Variants in SLC8A1 observed in about 807,000 individuals in gnomAD.
SLC8A1 encodes the protein solute carrier family 8 member A1.
SLC8A1 carries 18 observed loss-of-function variants against 68.3 expected under a neutral mutation model. The ratio of observed to expected loss-of-function variants is 0.26; its 90% CI spans 0.18 to 0.39. The LOEUF (loss-of-function observed/expected upper bound fraction) is 0.39. Among genes scored for constraint, SLC8A1 ranks in the 10% least tolerant of loss-of-function variants. The pLI is 1.00. For synonymous variants in SLC8A1, 475 were observed against 415.5 expected (o/e 1.14, Z -1.74); for missense variants, 985 against 1,156.7 (o/e 0.85, Z 2.15).
chr2:40,395,120 T>A (rs747035539), intron 2 of SLC8A1, among the ~76,000 whole-genome samples: 22 of 152,204 alleles, frequency 1.4e-4, no homozygotes, highest in Non-Finnish European at 2.6e-4. Context: ...TTTACCTTAA[T>A]CTACTTACTT....
chr2:40,316,025 C>T (rs1183246208), intron 2 of SLC8A1, among the ~76,000 whole-genome samples: 3 of 151,992 alleles, frequency 2.0e-5, no homozygotes, highest in South Asian at 4.1e-4. Flanking sequence ...ACAAGCATCA[C>T]ATGCAAAAAA....
intron 3 of SLC8A1, chr2:40,176,035 G>T (rs554970995): frequency 2.3e-6 from 1 of 435,716 alleles, no homozygotes; most frequent in African/African-American, 2.1e-5. Flanking sequence ...GGGTTGGGGG[G>T]AGGGGGACGT....
At chr2:40,463,472 A>G (rs1703461243) in intron 1 of SLC8A1, among the ~76,000 whole-genome samples, 1 of 152,170 alleles carries the variant, frequency 6.6e-6, no homozygotes, top group South Asian at 2.1e-4. Flanking sequence ...CTATAGAACA[A>G]TTAGCCTTAC....
At chr2:40,260,741 G>GTT (rs79178846) in intron 2 of SLC8A1, among the ~76,000 whole-genome samples, 7 of 142,456 alleles carry the variant, frequency 4.9e-5, no homozygotes, top group South Asian at 4.5e-4. Context: ...TGTGTATGTG[G>GTT]TTTTTTTTTT....
At chr2:40,233,452 T>C (rs1216520003) in intron 2 of SLC8A1, among the ~76,000 whole-genome samples, 1 of 146,978 alleles carries the variant, frequency 6.8e-6, no homozygotes, top group Non-Finnish European at 1.5e-5. Flanking sequence ...TGTTTGTTTT[T>C]TTCTTGTAAA....
chr2:40,377,482 C>A (rs1462355036), intron 2 of SLC8A1, among the ~76,000 whole-genome samples: 1 of 152,038 alleles, frequency 6.6e-6, no homozygotes, highest in Non-Finnish European at 1.5e-5. Flanking sequence ...TTGCCATGCA[C>A]CAACAAAAAG....
chr2:40,261,233 T>C (rs1336908545), intron 2 of SLC8A1, among the ~76,000 whole-genome samples: 4 of 152,194 alleles, frequency 2.6e-5, no homozygotes, highest in African/African-American at 9.7e-5. Flanking sequence ...CTGTGGAGTC[T>C]CTTCCATAAG....
chr2:40,230,044 G>A (rs755308693), intron 2 of SLC8A1, among the ~76,000 whole-genome samples: 96 of 152,236 alleles, frequency 6.3e-4, no homozygotes, highest in Non-Finnish European at 1.1e-3. Flanking sequence ...AAGAAGAACT[G>A]ATTGGTTACA....
intron 2 of SLC8A1, among the ~76,000 whole-genome samples, chr2:40,182,460 GA>G (rs1408734221): frequency 6.6e-6 from 1 of 152,004 alleles, no homozygotes; most frequent in Non-Finnish European, 1.5e-5. Context: ...AATTTTTATG[GA>G]AGTACATTTT....
intron 2 of SLC8A1, among the ~76,000 whole-genome samples, chr2:40,360,677 C>A (rs557917492): frequency 1.8e-4 from 27 of 152,252 alleles, no homozygotes; most frequent in African/African-American, 5.8e-4. Flanking sequence ...CCCAAGGTCA[C>A]ATAGCTGTAA....
At chr2:40,253,116 TAC>T (rs2063204533) in intron 2 of SLC8A1, among the ~76,000 whole-genome samples, 3 of 109,878 alleles carry the variant, frequency 2.7e-5, no homozygotes, top group African/African-American at 1.2e-4. Context: ...TATACGTGTA[TAC>T]ATATATACAC....
chr2:40,232,193 C>A (rs115868267), intron 2 of SLC8A1, among the ~76,000 whole-genome samples: 229 of 152,112 alleles, frequency 1.5e-3, no homozygotes, highest in African/African-American at 5.2e-3. Context: ...AGACCCTGAA[C>A]ATTTCAAAAA....
intron 1 of SLC8A1, among the ~76,000 whole-genome samples, chr2:40,469,046 C>T (rs956111590): frequency 1.3e-5 from 2 of 152,124 alleles, no homozygotes; most frequent in African/African-American, 2.4e-5. Context: ...TATTACCACA[C>T]TTGAAAAGTT....
intron 2 of SLC8A1, among the ~76,000 whole-genome samples, chr2:40,264,418 C>T (rs1188174994): frequency 6.6e-6 from 1 of 151,968 alleles, no homozygotes; most frequent in Non-Finnish European, 1.5e-5. Flanking sequence ...TATTGCGGCA[C>T]TATTCACAAT....
At chr2:40,244,511 G>C (rs2061595453) in intron 2 of SLC8A1, among the ~76,000 whole-genome samples, 1 of 146,596 alleles carries the variant, frequency 6.8e-6, no homozygotes, top group Admixed American at 6.9e-5. Context: ...GTTGCTGTGA[G>C]AGAATGTTGT....
chr2:40,368,830 C>A (rs1375637389), intron 2 of SLC8A1, among the ~76,000 whole-genome samples: 1 of 151,900 alleles, frequency 6.6e-6, no homozygotes, highest in Non-Finnish European at 1.5e-5. Context: ...GGTACTGGTA[C>A]AAAAATAGAC....
intron 5 of SLC8A1, 38 bp from the exon 9 acceptor site, chr2:40,160,902 C>A: frequency 6.8e-7 from 1 of 1,462,380 alleles, no homozygotes; most frequent in South Asian, 1.1e-5. Flanking sequence ...ATGCTGGGTT[C>A]GCTAAGGCCT....
At chr2:40,449,420 A>G (rs1702036749) in intron 1 of SLC8A1, among the ~76,000 whole-genome samples, 1 of 152,242 alleles carries the variant, frequency 6.6e-6, no homozygotes, top group Non-Finnish European at 1.5e-5. Context: ...CATGTTAAAC[A>G]TAGCTTTTTA....
exon 8 of SLC8A1, chr2:40,098,685 C>A (rs1469859759): frequency 6.6e-6 from 1 of 151,940 alleles, no homozygotes; most frequent in Non-Finnish European, 1.5e-5. Context: ...TGCTGGAATT[C>A]TAATCTAGCA....
Sources: allele counts gnomAD v4.1 joint callset (sites outside exome capture counted in the v4.1 genomes callset), GRCh38; gene constraint gnomAD v4.1.1; transcripts MANE v1.5; gene names NCBI Gene and HGNC (gene_info 2026-07-23, HGNC 2026-07-21).